Variants in TET3 observed in about 807,000 individuals in gnomAD.
TET3 encodes tet methylcytosine dioxygenase 3.
Under a neutral mutation model 141.4 loss-of-function variants are expected in TET3, and 19 were observed. That is an observed-to-expected ratio of 0.13 (90% CI 0.09 to 0.20). The LOEUF (loss-of-function observed/expected upper bound fraction) is 0.20, where lower values mean the gene tolerates loss of function less well. TET3 is among the 10% of genes least tolerant of loss of function. The pLI is 1.00. For synonymous variants in TET3, 1,043 were observed against 980.9 expected, an observed-to-expected ratio of 1.06 and a Z score of -1.18; for missense variants, 1,874 against 2,356.9, an observed-to-expected ratio of 0.80 and a Z score of 4.24.
chr2:74,129,408 A>G, the TET3 span, among the ~76,000 whole-genome samples: 4 of 149,416 alleles, frequency 2.7e-5, no homozygotes, highest in Non-Finnish European at 4.5e-5. Context: ...TGAGGCAGGC[A>G]GATCACCTGA....
intron 8 of TET3, 150 bp downstream of exon 8, chr2:74,090,197 CTGTG>C: frequency 7.9e-7 from 1 of 1,263,576 alleles, no homozygotes; most frequent in Non-Finnish European, 1.1e-6. Flanking sequence ...CCTTATCTTG[CTGTG>C]AAATAAGGGG....
At chr2:74,035,215 A>AG (rs1370355298) in intron 3 of TET3, among the ~76,000 whole-genome samples, 2 of 147,392 alleles carry the variant, frequency 1.4e-5, no homozygotes, top group Non-Finnish European at 3.0e-5. Context: ...AAAAAAAAAA[A>AG]AAAAAAGTTA....
At chr2:74,028,369 T>C (rs187523925) in intron 3 of TET3, among the ~76,000 whole-genome samples, 78 of 152,296 alleles carry the variant, frequency 5.1e-4, no homozygotes, top group African/African-American at 1.8e-3. Context: ...TTTTTTCTTT[T>C]GGTCTCATAT....
intron 2 of TET3, among the ~76,000 whole-genome samples, chr2:73,989,209 G>A (rs889676954): frequency 1.3e-4 from 20 of 152,106 alleles, no homozygotes; most frequent in East Asian, 1.9e-4. Flanking sequence ...CTTAGCAGCC[G>A]TGTGGCAGAG....
intron 3 of TET3, among the ~76,000 whole-genome samples, chr2:74,031,155 G>A (rs1686664469): frequency 6.6e-6 from 1 of 152,044 alleles, no homozygotes; most frequent in African/African-American, 2.4e-5. Flanking sequence ...TTGGAGGGGA[G>A]GCTTCTGAGG....
rs945530239 is a variant in TET3 at position 74,090,002 on chromosome 2, C to T, written c.2994C>T (p.Ser998=). The T allele has an allele frequency of 6.2e-7, 1 of 1,614,060 alleles. No individual in the cohort carries two copies. The highest frequency in any genetic ancestry group is 8.5e-7 in the Non-Finnish European group (1 of 1,179,902). ...MYFNGCKYAR[S]KTPRKFRLAG... is the part of the protein sequence containing the mutation. Reference sequence around the variant, plus strand: ...TCAACGGCTGCAAGTATGCTCGGAGCAAGACACCTCGCAAGTTCCGCCTCG... The same window carrying T: ...TCAACGGCTGCAAGTATGCTCGGAGTAAGACACCTCGCAAGTTCCGCCTCG... The change falls in exon 8 of 12, where the codon AGC becomes AGT. Residue 998 remains serine (S), a synonymous_variant. Coordinates refer to ENST00000409262, the MANE Select transcript of TET3 (RefSeq NM_001287491.2).
intron 3 of TET3, among the ~76,000 whole-genome samples, chr2:74,006,434 G>A (rs944581717): frequency 1.3e-5 from 2 of 152,220 alleles, no homozygotes; most frequent in Non-Finnish European, 2.9e-5. Flanking sequence ...AGAGAGCCTT[G>A]CAAGACATAC....
chr2:74,048,437 G>C, intron 4 of TET3, 26 bp downstream of exon 4: 1 of 1,577,818 alleles, frequency 6.3e-7, no homozygotes, highest in Non-Finnish European at 8.6e-7. Context: ...TATCAGGGAA[G>C]GGCAGAGAAA....
At chr2:74,091,302 A>C (rs1001983661) in intron 8 of TET3, among the ~76,000 whole-genome samples, 1 of 152,086 alleles carries the variant, frequency 6.6e-6, no homozygotes, top group Non-Finnish European at 1.5e-5. Flanking sequence ...ATTTCTCTCA[A>C]ATTCTTTCCC....
intron 4 of TET3, among the ~76,000 whole-genome samples, chr2:74,058,951 C>T (rs1370751978): frequency 6.6e-6 from 1 of 152,214 alleles, no homozygotes; most frequent in African/African-American, 2.4e-5. Context: ...TGACCAGGCT[C>T]ATTTGTTGAT....
intron 4 of TET3, among the ~76,000 whole-genome samples, chr2:74,052,069 T>G (rs912710470): frequency 6.6e-6 from 1 of 152,202 alleles, no homozygotes; most frequent in Non-Finnish European, 1.5e-5. Context: ...AACCTCTGCC[T>G]CCTGGGTTCA....
chr2:74,029,999 A>G lies in TET3; in HGVS notation c.361-16279A>G, dbSNP rs545540814. On this transcript the variant is annotated intron_variant, in intron 3 of 11. Coordinates refer to ENST00000409262, the MANE Select transcript of TET3 (RefSeq NM_001287491.2). ...GATAGTGGTACAGTATCAGTTCCTA[A>G]AGGAACTTGCCTTTGAATAGGATCT... Among the ~76,000 whole-genome samples the G allele has an allele frequency of 4.3e-4, 66 of 152,314 alleles. 2 individuals are homozygous for G. In the South Asian group the frequency reaches 0.013, roughly 31 times the overall value.
intron 3 of TET3, among the ~76,000 whole-genome samples, chr2:74,005,266 A>G (rs1051617425): frequency 3.3e-5 from 5 of 152,196 alleles, no homozygotes; most frequent in African/African-American, 1.2e-4. Context: ...GAAAATCCAG[A>G]GGAAGCCTTC....
At chr2:74,009,127 C>A (rs1366462190) in intron 3 of TET3, among the ~76,000 whole-genome samples, 3 of 152,190 alleles carry the variant, frequency 2.0e-5, no homozygotes, top group Admixed American at 6.5e-5. Flanking sequence ...TTCTAGCCTG[C>A]AGGCCTTGGT....
rs548622902 is a variant in TET3 at position 74,076,031 on chromosome 2, G to T, written c.2585+2392G>T. ...TCTGGGGCAGGTTTTTTGTTCTGGGGTATTTTGGGGTAACAATTTTATAAG... is the reference window on the plus strand; with the variant it reads ...TCTGGGGCAGGTTTTTTGTTCTGGGTTATTTTGGGGTAACAATTTTATAAG... On this transcript the variant is annotated intron_variant, in intron 5 of 11. Transcript: ENST00000409262. 3.9e-4 allele frequency among the ~76,000 whole-genome samples: 60 copies of T among 152,200 alleles called. 2 individuals carry two copies. Among genetic ancestry groups the T allele is most frequent in the Admixed American group, 3.5e-3 (54 of 15,278 alleles).
chr2:74,085,808 C>A (rs1690123620), intron 6 of TET3, among the ~76,000 whole-genome samples: 1 of 152,196 alleles, frequency 6.6e-6, no homozygotes, highest in Admixed American at 6.5e-5. Flanking sequence ...TAAGGTACCT[C>A]AGCCTCAGGA....
rs79170439 is a variant in TET3, at chr2:74,101,960, G to A, written c.5172G>A (p.Gln1724=). The part of the protein sequence containing the change: ...KQLAERARAR[Q]EEAARLGLGQ... Reference sequence around the variant, plus strand: ...TGGCGGAGAGGGCACGGGCACGGCAGGAGGAGGCTGCCCGGCTGGGCCTGG... The same window carrying A: ...TGGCGGAGAGGGCACGGGCACGGCAAGAGGAGGCTGCCCGGCTGGGCCTGG... Residue 1724 remains glutamine, a synonymous_variant, in exon 12 of 12, where the codon CAG becomes CAA. Coordinates refer to ENST00000409262, the MANE Select transcript of TET3 (RefSeq NM_001287491.2). The surrounding 1 kb of genome is among the most constrained non-coding windows in gnomAD (Gnocchi z 8.5). 5.0e-3 allele frequency: 8,011 copies of A among 1,609,850 alleles called. 344 individuals carry two copies. The African/African-American group carries it at 0.096, about 19-fold the overall frequency.
At chr2:74,116,207 T>C in the TET3 span, among the ~76,000 whole-genome samples, 1 of 151,828 alleles carries the variant, frequency 6.6e-6, no homozygotes, top group Admixed American at 6.6e-5. Flanking sequence ...AGACAAAAAA[T>C]AAATGCTGGT....
At chr2:74,080,382 G>A in intron 5 of TET3, 116 bp from the exon 6 acceptor site, 1 of 839,908 alleles carries the variant, frequency 1.2e-6, no homozygotes. Flanking sequence ...CTTCTCTGTT[G>A]CCCCCGACGG....
Sources: allele counts gnomAD v4.1 joint callset (sites outside exome capture counted in the v4.1 genomes callset), GRCh38; gene constraint gnomAD v4.1.1; non-coding constraint Gnocchi (gnomAD v3.1); transcripts MANE v1.5; gene names NCBI Gene and HGNC (gene_info 2026-07-23, HGNC 2026-07-21).